The following LETM2 variants were observed in gnomAD, a reference collection of about 807,000 sequenced individuals.
LETM2 encodes the protein LETM1 domain-containing protein LETM2, mitochondrial.
LETM2 carries 58 observed loss-of-function variants against 59.6 expected under a neutral mutation model. That is an observed-to-expected ratio of 0.97 (90% CI 0.79 to 1.21). The LOEUF (loss-of-function observed/expected upper bound fraction) is 1.21, where lower values mean the gene tolerates loss of function less well. Among genes scored for constraint, LETM2 ranks in the 50% most tolerant of loss-of-function variants. LETM2 has a pLI of 0.00. For synonymous variants in LETM2, 199 were observed against 214.1 expected, an observed-to-expected ratio of 0.93 and a Z score of 0.62; for missense variants, 572 against 575.7, an observed-to-expected ratio of 0.99 and a Z score of 0.07.
intron 6 of LETM2, among the ~76,000 whole-genome samples, chr8:38,402,207 G>A (rs1217242195): frequency 1.3e-5 from 2 of 152,204 alleles, no homozygotes; most frequent in South Asian, 2.1e-4. Context: ...TTTTTCTAAT[G>A]AACCATAAAG....
At chr8:38,390,149 G>C (rs1812108206) in intron 2 of LETM2, among the ~76,000 whole-genome samples, 1 of 152,046 alleles carries the variant, frequency 6.6e-6, no homozygotes, top group Non-Finnish European at 1.5e-5. Context: ...GCTGCAGTGA[G>C]CTGTGATCAC....
In LETM2 at chr8:38,400,998, A is replaced by T. The variant is rs983548200; in HGVS notation, c.929A>T (p.Asn310Ile). Residue 310 changes from asparagine (N) to isoleucine (I), a missense_variant, in exon 6 of 11, where the codon AAC (asparagine) becomes ATC (isoleucine). Asn to Ile is a moderately radical substitution (Grantham distance 149). Transcript: ENST00000379957. ...LLELQTFGTN[N>I]LLRFQLLMKL... The stretch of plus-strand genomic sequence containing the variant: ...GAATTGCAGACATTTGGAACCAACA[A>T]CCTGCTCCGCTTTCAGCTCCTGATG... 1.2e-6 allele frequency: 2 copies of T among 1,614,082 alleles called. No homozygotes were observed. The highest frequency in any genetic ancestry group is 2.2e-5 in the South Asian group (2 of 91,078).
intron 6 of LETM2, 64 bp downstream of exon 6, chr8:38,401,117 TGGGA>T: frequency 7.9e-7 from 1 of 1,273,424 alleles, no homozygotes. Context: ...AGGGTGCCTG[TGGGA>T]TGAAGTGTGC....
At chr8:38,392,180 T>G (rs779629666) in intron 2 of LETM2, among the ~76,000 whole-genome samples, 16 of 152,142 alleles carry the variant, frequency 1.1e-4, no homozygotes, top group Non-Finnish European at 2.1e-4. Flanking sequence ...ATTCCAGTAC[T>G]TAGGGAGGCC....
At chr8:38,408,168 C>G (rs764090904) in intron 10 of LETM2, 44 bp from the exon 11 acceptor site, 1 of 1,506,160 alleles carries the variant, frequency 6.6e-7, no homozygotes, top group Non-Finnish European at 9.2e-7. Flanking sequence ...TAAGAACTTA[C>G]ACGTCTGTGA....
intron 4 of LETM2, among the ~76,000 whole-genome samples, chr8:38,399,702 C>G (rs533771664): frequency 6.7e-6 from 1 of 148,182 alleles, no homozygotes; most frequent in East Asian, 2.0e-4. Flanking sequence ...CACTTGAACC[C>G]GGGAGAGAGA....
In LETM2 at chr8:38,406,971, A is replaced by G; in HGVS notation, c.1244A>G (p.Glu415Gly). ...GEAPKTDILV[E>G]LPTFTESKEN... Reference sequence around the variant, plus strand: ...GCTCCAAAGACTGATATTCTTGTGGAATTACCTACTTTCACTGAATCTAAA... The same window carrying G: ...GCTCCAAAGACTGATATTCTTGTGGGATTACCTACTTTCACTGAATCTAAA... The change falls in exon 9 of 11, where the codon GAA becomes GGA. Residue 415 changes from glutamate (E) to glycine (G), a missense_variant. Physicochemically the swap from Glu to Gly is moderately conservative, Grantham distance 98. Coordinates refer to ENST00000379957, the MANE Select transcript of LETM2 (RefSeq NM_001286819.2). 1 of 1,611,092 alleles carries G rather than the reference A, an allele frequency of 6.2e-7. No homozygotes were observed. The highest frequency in any genetic ancestry group is 8.5e-7 in the Non-Finnish European group (1 of 1,177,262).
rs960382343 is a variant in LETM2 at position 38,401,164 on chromosome 8, C to G, written c.984+111C>G. On this transcript the variant is annotated intron_variant, in intron 6 of 10. Transcript: ENST00000379957. The stretch of plus-strand genomic sequence containing the variant: ...TTTGTTTTTGTTTTTGTTTTTGAGA[C>G]AAAGTCTTGCTCTGTCACCCAGGCT... The G allele has an allele frequency of 3.3e-5, 29 of 875,838 alleles. 1 individual carries two copies. In the South Asian group the frequency reaches 4.8e-4, roughly 15 times the overall value. The allele number at this position is 875,838 out of a possible 1,614,324, so 54.3% of individuals were successfully genotyped here.
In LETM2 at chr8:38,400,192, GAC is replaced by G. The variant is rs1813071066; in HGVS notation, c.646-78_646-77del. The G allele has an allele frequency of 3.6e-6, 4 of 1,097,230 alleles. No homozygotes were observed. In the East Asian group the frequency reaches 9.7e-5, roughly 27 times the overall value. 68.0% of individuals were successfully genotyped at this position (1,097,230 alleles called of 1,614,324 possible). A position where few individuals can be genotyped will look rare whatever the true frequency, so the allele number is the denominator to read the frequency against. ...ATGTAGGGATGAGCAATAACAAGGA[GAC>G]AGTTATTTTTCTCCCATCTTTATCT... On this transcript the variant is annotated intron_variant, in intron 4 of 10. Transcript: ENST00000379957.
chr8:38,404,333 G>A (rs893545812), intron 7 of LETM2, 60 bp from the exon 8 acceptor site: 4 of 1,190,372 alleles, frequency 3.4e-6, no homozygotes, highest in African/African-American at 3.0e-5. Context: ...GTAGATGACC[G>A]CGGATCACTC....
chr8:38,407,937 T>G (rs1004647778), intron 10 of LETM2: 3 of 415,708 alleles, frequency 7.2e-6, no homozygotes, highest in African/African-American at 4.1e-5. Context: ...TGTGGGAGAG[T>G]TGAAGTGGGA....
At chr8:38,388,079 T>TA in intron 2 of LETM2, 49 bp downstream of exon 2, 9 of 1,125,060 alleles carry the variant, frequency 8.0e-6, no homozygotes, top group African/African-American at 2.2e-5. Flanking sequence ...TTCTTCTTCT[T>TA]CTTTTTTTTT....
At chr8:38,387,194 G>A (rs946995923) in intron 1 of LETM2, 1 of 152,252 alleles carries the variant, frequency 6.6e-6, no homozygotes, top group Admixed American at 6.5e-5. Context: ...TGGGTCCACA[G>A]GTTTCGAGCC....
chr8:38,407,068 T>C (rs1488504612), intron 9 of LETM2, 30 bp downstream of exon 9: 2 of 1,414,280 alleles, frequency 1.4e-6, no homozygotes, highest in Non-Finnish European at 2.0e-6. Flanking sequence ...TTTGGTTAAT[T>C]AGATTAAAAA....
rs1813981555 is a variant in LETM2 at position 38,409,103 on chromosome 8, A to AT, written c.*831dup. On this transcript the variant is annotated 3_prime_UTR_variant, in exon 11 of 11. Coordinates refer to ENST00000379957, the MANE Select transcript of LETM2 (RefSeq NM_001286819.2). ...ATCCCTGTGCTACCCAGCAACAAGT[A>AT]TTACATTAGGATATTTATGCTTGGT... 6.6e-6 allele frequency: 1 copy of AT among 152,234 alleles called. No homozygotes were observed. The highest frequency in any genetic ancestry group is 2.1e-4 in the South Asian group (1 of 4,838). The allele number at this position is 152,234 out of a possible 1,614,324, so 9.4% of individuals were successfully genotyped here.
chr8:38,404,691 AAAGG>A (rs1359113612), intron 8 of LETM2, 185 bp downstream of exon 8: 23 of 561,306 alleles, frequency 4.1e-5, no homozygotes, highest in Non-Finnish European at 6.1e-5. Flanking sequence ...CAAACAAAAC[AAAGG>A]AAGGCCAGGC....
At chr8:38,401,362 C>T (rs1171462450) in intron 6 of LETM2, among the ~76,000 whole-genome samples, 1 of 152,150 alleles carries the variant, frequency 6.6e-6, no homozygotes, top group Non-Finnish European at 1.5e-5. Context: ...GTCTCAAACT[C>T]CTGACCTCAA....
At chr8:38,382,847 G>C (rs944657703), upstream of LETM2, 2 of 152,266 alleles carry the variant, frequency 1.3e-5, no homozygotes, top group Non-Finnish European at 2.9e-5. This position sits in a 1 kb window ranked among gnomAD's most constrained non-coding sequence, Gnocchi z 4.2. Context: ...CCGCCTTGGC[G>C]TCGTCTCCCT....
intron 2 of LETM2, among the ~76,000 whole-genome samples, chr8:38,389,998 C>CAAAAA (rs1222660619): frequency 2.5e-4 from 11 of 44,870 alleles, no homozygotes; most frequent in African/African-American, 4.4e-4. Flanking sequence ...GACTCCGTCT[C>CAAAAA]AAAAAAAAAA....
Sources: gnomAD v4.1 joint callset for allele counts (sites outside exome capture counted in the v4.1 genomes callset) on GRCh38, gnomAD v4.1.1 for gene constraint, Gnocchi (gnomAD v3.1) non-coding constraint, MANE v1.5 for transcripts, NCBI Gene and HGNC (gene_info 2026-07-23, HGNC 2026-07-21) for gene names.